The following GNG4 variants were observed in gnomAD, a reference collection of about 807,000 sequenced individuals.
The protein encoded by GNG4 is G protein subunit gamma 4.
In GNG4, 4 loss-of-function variants were observed where a neutral mutation model predicts 5.8. That is an observed-to-expected ratio of 0.69 (90% CI 0.34 to 1.57). The LOEUF (loss-of-function observed/expected upper bound fraction) is 1.57. Ranked by LOEUF, GNG4 falls within the 40% of genes most tolerant of loss-of-function variation. The pLI, the probability that GNG4 is intolerant of heterozygous loss-of-function variation, is 0.06. For missense variants in GNG4, 96 were observed against 95.1 expected, an observed-to-expected ratio of 1.01 and a Z score of -0.04; for synonymous variants, 29 against 32.9, an observed-to-expected ratio of 0.88 and a Z score of 0.41.
chr1:235,612,729 C>T (rs1688504955), intron 1 of GNG4, among the ~76,000 whole-genome samples: 1 of 152,130 alleles, frequency 6.6e-6, no homozygotes, highest in Non-Finnish European at 1.5e-5. Flanking sequence ...CGCTATGTTA[C>T]CCAGGCTGGT....
Position 235,642,650 on chromosome 1 carries a change from G to C in GNG4, c.-123+7012C>G, listed in dbSNP as rs1195807775. Among the ~76,000 whole-genome samples, 2 of 152,112 alleles carry C rather than the reference G, an allele frequency of 1.3e-5. No homozygotes were observed. The highest frequency in any genetic ancestry group is 2.9e-5 in the Non-Finnish European group (2 of 68,010). On this transcript the variant is annotated intron_variant, in intron 1 of 3. Transcript: ENST00000391854. The surrounding 1 kb of genome is among the most constrained non-coding windows in gnomAD (Gnocchi z 4.3). ...AGGGTTGGGAGGGTCTCTTTTAAGG[G>C]AATCCTATGCATGAAAGTCTGTGTA...
intron 1 of GNG4, among the ~76,000 whole-genome samples, chr1:235,629,770 T>G (rs1688895580): frequency 6.6e-6 from 1 of 152,062 alleles, no homozygotes; most frequent in Non-Finnish European, 1.5e-5. Context: ...TTTTGTATTT[T>G]TAGTAAAGAT....
chr1:235,581,140 C>G (rs966497001), intron 3 of GNG4, among the ~76,000 whole-genome samples: 1 of 152,058 alleles, frequency 6.6e-6, no homozygotes, highest in African/African-American at 2.4e-5. Context: ...ATTGTAATCC[C>G]CAGTGTTGAA....
chr1:235,645,659 C>A (rs557520885), intron 1 of GNG4, among the ~76,000 whole-genome samples: 1 of 151,784 alleles, frequency 6.6e-6, no homozygotes, highest in Non-Finnish European at 1.5e-5. Context: ...TAGCCGGGCG[C>A]GGTGGCACAT....
chr1:235,569,712 C>A (rs747432928), intron 3 of GNG4, among the ~76,000 whole-genome samples: 2 of 151,634 alleles, frequency 1.3e-5, no homozygotes, highest in African/African-American at 4.8e-5. Flanking sequence ...GGATTACAGG[C>A]GCCCACCACT....
chr1:235,600,672 C>G (rs1475514686), intron 1 of GNG4, among the ~76,000 whole-genome samples: 1 of 152,214 alleles, frequency 6.6e-6, no homozygotes, highest in Non-Finnish European at 1.5e-5. Context: ...ATCCTCCCAC[C>G]TTGGCATCCC....
chr1:235,583,906 C>T, intron 2 of GNG4, 58 bp from the exon 3 acceptor site: 7 of 960,888 alleles, frequency 7.3e-6, no homozygotes, highest in Non-Finnish European at 1.2e-5. Context: ...GTAGGGGAAC[C>T]CCACCTCCCA....
chr1:235,638,091 C>A (rs1296025028), intron 1 of GNG4, among the ~76,000 whole-genome samples: 1 of 152,230 alleles, frequency 6.6e-6, no homozygotes, highest in African/African-American at 2.4e-5. Flanking sequence ...TAAGCCCCAG[C>A]TGCTGGACTG....
chr1:235,569,864 C>T (rs1447759920), intron 3 of GNG4, among the ~76,000 whole-genome samples: 1 of 152,130 alleles, frequency 6.6e-6, no homozygotes, highest in Non-Finnish European at 1.5e-5. Flanking sequence ...CTGCGCCTGG[C>T]CTCTTCTGCC....
At chr1:235,626,958 CAAAAAAAAAAAAAAAA>C (rs776506587) in intron 1 of GNG4, among the ~76,000 whole-genome samples, 36 of 77,390 alleles carry the variant, frequency 4.7e-4, no homozygotes, top group East Asian at 1.6e-3. Flanking sequence ...GACTCTATCT[CAAAAAAAAAAAAAAAA>C]AAAAAAAAAA....
intron 1 of GNG4, among the ~76,000 whole-genome samples, chr1:235,633,308 C>T (rs1204627927): frequency 6.6e-6 from 1 of 151,998 alleles, no homozygotes; most frequent in Non-Finnish European, 1.5e-5. Flanking sequence ...TCCACTTCTT[C>T]CCAGGAGCCA....
chr1:235,600,416 TTG>T (rs570362257), intron 1 of GNG4, among the ~76,000 whole-genome samples: 73 of 126,124 alleles, frequency 5.8e-4, no homozygotes, highest in South Asian at 7.7e-4. Flanking sequence ...CGCCTGGCTT[TTG>T]TGTGTGTGTG....
chr1:235,561,530 G>T (rs1471064715), intron 3 of GNG4, among the ~76,000 whole-genome samples: 1 of 152,050 alleles, frequency 6.6e-6, no homozygotes, highest in Admixed American at 6.5e-5. Flanking sequence ...GAGTGGCTGG[G>T]ATTGCAGGCA....
At chr1:235,577,678 AT>A (rs11332448) in intron 3 of GNG4, among the ~76,000 whole-genome samples, 104,130 of 151,352 alleles carry the variant, frequency 0.69, 36,157 homozygotes, top group East Asian at 0.87. Flanking sequence ...TGAACTCGTG[AT>A]CCACCCGCCC....
chr1:235,592,056 G>A (rs1687976482), intron 2 of GNG4, among the ~76,000 whole-genome samples: 1 of 152,232 alleles, frequency 6.6e-6, no homozygotes, highest in African/African-American at 2.4e-5. Flanking sequence ...ATTACGAGAT[G>A]TTTGGTTTCC....
At chr1:235,580,280 A>C (rs1687596706) in intron 3 of GNG4, among the ~76,000 whole-genome samples, 1 of 152,244 alleles carries the variant, frequency 6.6e-6, no homozygotes, top group African/African-American at 2.4e-5. Context: ...GGGAGTTGGC[A>C]CTGAATGGGT....
At chr1:235,592,027 A>G (rs758705386) in intron 2 of GNG4, among the ~76,000 whole-genome samples, 2 of 152,256 alleles carry the variant, frequency 1.3e-5, no homozygotes, top group South Asian at 2.1e-4. Flanking sequence ...AGCTTAAAAC[A>G]ATAGCCAAGG....
intron 1 of GNG4, among the ~76,000 whole-genome samples, chr1:235,609,749 C>CA (rs1382657479): frequency 2.0e-5 from 3 of 151,598 alleles, no homozygotes; most frequent in Non-Finnish European, 4.4e-5. Flanking sequence ...CCCATCTCTA[C>CA]AAAAAAAATT....
chr1:235,637,286 A>G, intron 1 of GNG4, among the ~76,000 whole-genome samples: 1 of 152,200 alleles, frequency 6.6e-6, no homozygotes, highest in African/African-American at 2.4e-5. Flanking sequence ...CAATGCTTAA[A>G]ACACCACCTA....
Sources: gnomAD v4.1 joint callset for allele counts (sites outside exome capture counted in the v4.1 genomes callset) on GRCh38, gnomAD v4.1.1 for gene constraint, Gnocchi (gnomAD v3.1) non-coding constraint, MANE v1.5 for transcripts, NCBI Gene and HGNC (gene_info 2026-07-23, HGNC 2026-07-21) for gene names.